The following STK3 variants were observed in gnomAD, a reference collection of about 807,000 sequenced individuals.
The protein encoded by STK3 is serine/threonine kinase 3, also known as serine/threonine-protein kinase 3.
Under a neutral mutation model 58.0 loss-of-function variants are expected in STK3, and 41 were observed. That is an observed-to-expected ratio of 0.71 (90% CI 0.55 to 0.92). STK3 has a LOEUF of 0.92. STK3 is among the 40% of genes least tolerant of loss of function. The pLI, the probability that STK3 is intolerant of heterozygous loss-of-function variation, is 0.00. For missense variants in STK3, 479 were observed against 602.7 expected (o/e 0.79, Z 2.15); for synonymous variants, 170 against 191.0 (o/e 0.89, Z 0.91).
chr8:98,617,170 G>A (rs1280204242), intron 6 of STK3, among the ~76,000 whole-genome samples: 14 of 151,662 alleles, frequency 9.2e-5, no homozygotes, highest in South Asian at 2.1e-4. Context: ...ACTCAAAGCC[G>A]CTCAACTACA....
At chr8:98,762,236 T>C (rs1830664878) in intron 3 of STK3, among the ~76,000 whole-genome samples, 1 of 152,118 alleles carries the variant, frequency 6.6e-6, no homozygotes, top group African/African-American at 2.4e-5. Flanking sequence ...CTCAAACCCA[T>C]TCTTTTTTGT....
At chr8:98,742,824 G>GA (rs1349952395) in intron 4 of STK3, among the ~76,000 whole-genome samples, 4 of 151,972 alleles carry the variant, frequency 2.6e-5, no homozygotes, top group Non-Finnish European at 5.9e-5. Flanking sequence ...TGGATATCTA[G>GA]AAAACCCCAT....
chr8:98,869,042 G>GGAAA (rs1491105617), intron 3 of STK3, among the ~76,000 whole-genome samples: 7 of 131,488 alleles, frequency 5.3e-5, no homozygotes, highest in Admixed American at 8.0e-5. Context: ...AAGGAAGGAA[G>GGAAA]GAAGGAAGGA....
At chr8:98,917,756 C>G (rs1377229555) in intron 1 of STK3, among the ~76,000 whole-genome samples, 1 of 152,204 alleles carries the variant, frequency 6.6e-6, no homozygotes, top group Non-Finnish European at 1.5e-5. Flanking sequence ...CATCATCCAT[C>G]TTGGAAGAAA....
downstream of STK3, among the ~76,000 whole-genome samples, chr8:98,452,537 C>T (rs1428072871): frequency 6.6e-6 from 1 of 152,154 alleles, no homozygotes; most frequent in Non-Finnish European, 1.5e-5. Flanking sequence ...TACAATGATA[C>T]TAGCTTTTCA....
At chr8:98,709,656 G>A (rs1168170339) in intron 4 of STK3, among the ~76,000 whole-genome samples, 2 of 152,098 alleles carry the variant, frequency 1.3e-5, no homozygotes, top group African/African-American at 4.8e-5. Flanking sequence ...ATCGAACAAT[G>A]CAATACACCA....
chr8:98,904,611 AC>A, intron 1 of STK3: 1 of 592,272 alleles, frequency 1.7e-6, no homozygotes. Flanking sequence ...AAGGCTGAGT[AC>A]CAGGCTCGGT....
intron 1 of STK3, among the ~76,000 whole-genome samples, chr8:98,942,118 G>T (rs932856920): frequency 6.6e-6 from 1 of 152,240 alleles, no homozygotes; most frequent in Non-Finnish European, 1.5e-5. Context: ...GGTGGGCCCC[G>T]CAATGCCTGC....
the STK3 span, among the ~76,000 whole-genome samples, chr8:98,349,530 C>G: frequency 6.6e-6 from 1 of 152,206 alleles, no homozygotes; most frequent in South Asian, 2.1e-4. Context: ...TAGGCAGCAC[C>G]CCAGTGGGGA....
intron 4 of STK3, among the ~76,000 whole-genome samples, chr8:98,738,607 GAGCCAA>G (rs1404188658): frequency 6.6e-6 from 1 of 152,190 alleles, no homozygotes; most frequent in African/African-American, 2.4e-5. Flanking sequence ...CTGGATCCGG[GAGCCAA>G]GATGGCTGAA....
chr8:98,541,394 T>C (rs1053345370), intron 9 of STK3, among the ~76,000 whole-genome samples: 3 of 152,140 alleles, frequency 2.0e-5, no homozygotes, highest in Admixed American at 6.5e-5. Context: ...CGTTCAGCCA[T>C]GTAGGACGTG....
downstream of STK3, chr8:98,881,654 T>C (rs1390731809): frequency 6.6e-6 from 1 of 152,220 alleles, no homozygotes; most frequent in East Asian, 1.9e-4. Context: ...CTCTGTACTT[T>C]TCACTCATTT....
intron 3 of STK3, among the ~76,000 whole-genome samples, chr8:98,858,679 G>T (rs1423020772): frequency 6.6e-6 from 1 of 151,602 alleles, no homozygotes; most frequent in Non-Finnish European, 1.5e-5. Context: ...GGATCAAAAG[G>T]TCAAGCGATC....
intron 6 of STK3, among the ~76,000 whole-genome samples, chr8:98,655,014 C>T (rs1260797895): frequency 1.3e-5 from 2 of 151,950 alleles, no homozygotes; most frequent in African/African-American, 4.8e-5. Context: ...AAAAAAAGAG[C>T]CCGCATTGCC....
At chr8:98,912,974 TC>T (rs1297503444) in intron 1 of STK3, among the ~76,000 whole-genome samples, 6 of 152,202 alleles carry the variant, frequency 3.9e-5, no homozygotes, top group Admixed American at 2.0e-4. Flanking sequence ...AGTGGCATGA[TC>T]TTGCCTCATG....
At chr8:98,777,720 G>C (rs1831794853) in intron 1 of STK3, among the ~76,000 whole-genome samples, 1 of 152,154 alleles carries the variant, frequency 6.6e-6, no homozygotes, top group Non-Finnish European at 1.5e-5. Flanking sequence ...AAAAGCCACT[G>C]TTAATGAGGC....
intron 1 of STK3, among the ~76,000 whole-genome samples, chr8:98,908,667 A>T (rs1228488848): frequency 1.3e-5 from 2 of 151,714 alleles, no homozygotes; most frequent in African/African-American, 4.8e-5. Flanking sequence ...ACATGGTGAA[A>T]CCCTGTCTCT....
At chr8:98,864,090 T>A (rs1035408093) in intron 3 of STK3, among the ~76,000 whole-genome samples, 57 of 149,900 alleles carry the variant, frequency 3.8e-4, no homozygotes, top group Non-Finnish European at 6.0e-4. Context: ...TCCCAGCTAC[T>A]CCGGAGGCTG....
intron 6 of STK3, among the ~76,000 whole-genome samples, chr8:98,663,792 T>A (rs1246560150): frequency 6.6e-6 from 1 of 152,146 alleles, no homozygotes; most frequent in Non-Finnish European, 1.5e-5. Flanking sequence ...ACCACCACAT[T>A]TTCTCACTCA....
Sources: gnomAD v4.1 joint callset for allele counts (sites outside exome capture counted in the v4.1 genomes callset) on GRCh38, gnomAD v4.1.1 for gene constraint, MANE v1.5 for transcripts, NCBI Gene and HGNC (gene_info 2026-07-23, HGNC 2026-07-21) for gene names.